Variants in UBA6 observed in about 807,000 individuals in gnomAD.
UBA6 encodes the protein ubiquitin like modifier activating enzyme 6.
Under a neutral mutation model 148.3 loss-of-function variants are expected in UBA6, and 87 were observed. The ratio of observed to expected loss-of-function variants is 0.59; its 90% confidence interval spans 0.49 to 0.70. The LOEUF (loss-of-function observed/expected upper bound fraction) is 0.70. Among genes scored for constraint, UBA6 ranks in the 30% least tolerant of loss-of-function variants. UBA6 has a pLI of 0.00. For synonymous variants in UBA6, 376 were observed against 401.0 expected, an observed-to-expected ratio of 0.94 and a Z score of 0.75; for missense variants, 1,186 against 1,241.2, an observed-to-expected ratio of 0.96 and a Z score of 0.67.
rs182645278 is a variant in UBA6 at position 67,655,452 on chromosome 4, T to C, written c.1105-6241A>G. Among the ~76,000 whole-genome samples, 566 of 152,080 alleles carry C rather than the reference T, an allele frequency of 3.7e-3. 3 individuals carry two copies. The highest frequency in any genetic ancestry group is 0.013 in the African/African-American group (544 of 41,468). On this transcript the variant is annotated intron_variant, in intron 13 of 32. Coordinates refer to ENST00000322244, the MANE Select transcript of UBA6 (RefSeq NM_018227.6). Reference sequence around the variant, plus strand: ...TCCTCAATGACTACTGGGTAAATAATGAAATGAAGGTAGAAATAAAGATGT... The same window carrying C: ...TCCTCAATGACTACTGGGTAAATAACGAAATGAAGGTAGAAATAAAGATGT...
intron 27 of UBA6, among the ~76,000 whole-genome samples, chr4:67,627,953 T>C (rs532060234): frequency 3.1e-4 from 42 of 134,622 alleles, no homozygotes; most frequent in Admixed American, 1.6e-3. Flanking sequence ...TTTTTTTTTT[T>C]CAATGTATTT....
At chr4:67,663,635 A>T in intron 11 of UBA6, 5 of 482,050 alleles carry the variant, frequency 1.0e-5, no homozygotes, top group Non-Finnish European at 1.8e-5. Flanking sequence ...TATAATTATC[A>T]AAGTTGGCAA....
intron 9 of UBA6, 118 bp from the exon 10 acceptor site, chr4:67,665,410 AG>A: frequency 1.8e-6 from 1 of 543,104 alleles, no homozygotes; most frequent in Non-Finnish European, 3.1e-6. Context: ...ATTCCAGCAT[AG>A]TGTTTTTTTT....
intron 2 of UBA6, among the ~76,000 whole-genome samples, chr4:67,686,952 TAAAAAAAAAAAAAAAAAA>T (rs546442640): frequency 1.7e-4 from 10 of 57,188 alleles, no homozygotes; most frequent in East Asian, 6.4e-4. Context: ...ATCCTGTCTC[TAAAAAAAAAAAAAAAAAA>T]AAAAAAAAAA....
intron 13 of UBA6, among the ~76,000 whole-genome samples, chr4:67,651,520 C>T (rs1447204417): frequency 6.6e-6 from 1 of 152,050 alleles, no homozygotes; most frequent in Non-Finnish European, 1.5e-5. Context: ...GATTTTTCAA[C>T]AGTAAAATAT....
At chr4:67,673,324 G>A (rs1030836882) in intron 7 of UBA6, among the ~76,000 whole-genome samples, 1 of 151,300 alleles carries the variant, frequency 6.6e-6, no homozygotes, top group Non-Finnish European at 1.5e-5. Flanking sequence ...ACTGAGACAG[G>A]AGAATAGCTT....
chr4:67,613,613 G>A lies in UBA6; in HGVS notation c.*5384C>T, dbSNP rs1024277923. ...TTGGCCAGATATCAAGAATATATCA[G>A]CTACAATGATGATGATGATGGTATA... On this transcript the variant is annotated 3_prime_UTR_variant, in exon 33 of 33. Transcript: ENST00000322244. 4 of 128,906 alleles carry A rather than the reference G, an allele frequency of 3.1e-5. No homozygotes were observed. The highest frequency in any genetic ancestry group is 1.7e-5 in the Non-Finnish European group (1 of 57,444). 8.0% of individuals were successfully genotyped at this position (128,906 alleles called of 1,614,324 possible).
At chr4:67,649,958 A>T (rs1284508037) in intron 13 of UBA6, among the ~76,000 whole-genome samples, 1 of 152,128 alleles carries the variant, frequency 6.6e-6, no homozygotes, top group South Asian at 2.1e-4. Context: ...TCTTGTACAC[A>T]GAGGAGAGGA....
Position 67,670,458 on chromosome 4 carries a change from A to C in UBA6, c.669+12T>G, listed in dbSNP as rs1480528466. 6.4e-7 allele frequency: 1 copy of C among 1,554,232 alleles called. No individual in the cohort carries two copies. The highest frequency in any genetic ancestry group is 1.4e-5 in the African/African-American group (1 of 72,814). ...CAAAATTTATTTTAAAAGTTCATTA[A>C]TATAATCATACTTGCGTTATGTTTG... On this transcript the variant is annotated intron_variant, in intron 8 of 32. Coordinates refer to ENST00000322244, the MANE Select transcript of UBA6 (RefSeq NM_018227.6).
chr4:67,682,281 T>C lies in UBA6; in HGVS notation c.135-68A>G, dbSNP rs111524096. 6.1e-4 allele frequency: 755 copies of C among 1,244,376 alleles called. 3 individuals are homozygous for C. In the African/African-American group the frequency reaches 0.01, roughly 16 times the overall value. 77.1% of individuals were successfully genotyped at this position (1,244,376 alleles called of 1,614,324 possible). A position where few individuals can be genotyped will look rare whatever the true frequency, so the allele number is the denominator to read the frequency against. ...AAATTATAATATCTCTTAAAGTTGT[T>C]TGCAAACTAAAAGCCTAGGAACTCA... On this transcript the variant is annotated intron_variant, in intron 2 of 32. Transcript: ENST00000322244.
intron 30 of UBA6, 83 bp downstream of exon 30, chr4:67,624,043 T>C: frequency 8.3e-7 from 1 of 1,212,062 alleles, no homozygotes; most frequent in East Asian, 2.6e-5. Flanking sequence ...AAAAAAGAGG[T>C]GAAGCTAGTA....
chr4:67,635,990 C>T (rs1729129684), intron 19 of UBA6, among the ~76,000 whole-genome samples: 1 of 152,104 alleles, frequency 6.6e-6, no homozygotes. Flanking sequence ...TTCTTCCCCT[C>T]TTTGGCCCAA....
chr4:67,640,711 C>A (rs1729284445), intron 18 of UBA6, among the ~76,000 whole-genome samples: 1 of 152,090 alleles, frequency 6.6e-6, no homozygotes, highest in Non-Finnish European at 1.5e-5. Flanking sequence ...AAATTGAGAA[C>A]AAGCATTATT....
Position 67,673,795 on chromosome 4 carries a change from A to G in UBA6, c.466-18T>C, listed in dbSNP as rs758728559. 1.3e-6 allele frequency: 2 copies of G among 1,540,480 alleles called. No homozygotes were observed. Among genetic ancestry groups the G allele is most frequent in the South Asian group, 2.3e-5 (2 of 85,392 alleles). On this transcript the variant is annotated intron_variant, in intron 6 of 32. Transcript: ENST00000322244. The stretch of plus-strand genomic sequence containing the variant: ...ACTACACACTGTTGAGAAAACAACA[A>G]ATTAAAAACTAGAAAATACATAATT...
In UBA6 at chr4:67,694,486, G is replaced by A. The variant is rs530060117; in HGVS notation, c.134+2159C>T. 8.6e-5 allele frequency among the ~76,000 whole-genome samples: 13 copies of A among 151,216 alleles called. No individual in the cohort carries two copies. In the East Asian group the frequency reaches 1.2e-3, roughly 14 times the overall value. On this transcript the variant is annotated intron_variant, in intron 2 of 32. Transcript: ENST00000322244. ...AGCTCACTGCAAGCTCTGCCTCCCC[G>A]GTTCATGCCATTCTCCTGCCTCAGC...
intron 4 of UBA6, among the ~76,000 whole-genome samples, chr4:67,679,968 A>T (rs560326854): frequency 1.3e-5 from 2 of 152,300 alleles, no homozygotes; most frequent in South Asian, 4.1e-4. Flanking sequence ...AATAACTATA[A>T]TAGATCAAAA....
chr4:67,635,706 C>T, intron 19 of UBA6, 148 bp from the exon 20 acceptor site: 2 of 478,852 alleles, frequency 4.2e-6, no homozygotes, highest in Non-Finnish European at 7.6e-6. Context: ...TACTATCAAA[C>T]AGTGGATCAT....
At position 67,670,450 on chromosome 4, in the gene UBA6, G is replaced by C. The variant is rs1414698036; in HGVS notation, c.669+20C>G. 2 of 1,546,306 alleles carry C rather than the reference G, an allele frequency of 1.3e-6. No homozygotes were observed. Among genetic ancestry groups the C allele is most frequent in the Non-Finnish European group, 1.8e-6 (2 of 1,127,526 alleles). ...AACTTTAACAAAATTTATTTTAAAA[G>C]TTCATTAATATAATCATACTTGCGT... On this transcript the variant is annotated intron_variant, in intron 8 of 32. Coordinates refer to ENST00000322244, the MANE Select transcript of UBA6 (RefSeq NM_018227.6).
At position 67,628,502 on chromosome 4, in the gene UBA6, C is replaced by T. The variant is rs1040884277; in HGVS notation, c.2400+569G>A. Among the ~76,000 whole-genome samples the T allele has an allele frequency of 2.0e-5, 3 of 149,800 alleles. No homozygotes were observed. The South Asian group carries it at 6.5e-4, about 32-fold the overall frequency. On this transcript the variant is annotated intron_variant, in intron 27 of 32. Coordinates refer to ENST00000322244, the MANE Select transcript of UBA6 (RefSeq NM_018227.6). ...ATCAGAGGTTTTCCTCACTTCCATC[C>T]CATATAAAATTATACCAGCTCCATC...
Sources: gnomAD v4.1 joint callset for allele counts (sites outside exome capture counted in the v4.1 genomes callset) on GRCh38, gnomAD v4.1.1 for gene constraint, MANE v1.5 for transcripts, NCBI Gene and HGNC (gene_info 2026-07-23, HGNC 2026-07-21) for gene names.